The following CSMD1 variants were observed in gnomAD, a reference collection of about 807,000 sequenced individuals.
CSMD1 encodes the protein CUB and sushi domain-containing protein 1.
CSMD1 carries 213 observed loss-of-function variants against 417.5 expected under a neutral mutation model. The observed-to-expected ratio is 0.51, with a 90% CI of 0.46 to 0.57. The LOEUF is 0.57. Ranked by LOEUF, CSMD1 falls within the 20% of genes least tolerant of loss-of-function variation. The pLI is 0.00. For missense variants in CSMD1, 6,923 were observed against 4,529.7 expected, an observed-to-expected ratio of 1.53 and a Z score of -15.17; for synonymous variants, 2,862 against 1,736.8, an observed-to-expected ratio of 1.65 and a Z score of -16.11.
intron 18 of CSMD1, among the ~76,000 whole-genome samples, chr8:3,369,744 C>G (rs964508285): frequency 6.6e-6 from 1 of 152,172 alleles, no homozygotes; most frequent in African/African-American, 2.4e-5. Context: ...TGTTCAAACA[C>G]TCACTTCAGA....
chr8:4,116,913 C>T (rs953711955), intron 3 of CSMD1, among the ~76,000 whole-genome samples: 1 of 151,984 alleles, frequency 6.6e-6, no homozygotes, highest in Non-Finnish European at 1.5e-5. Context: ...GTGAGGTACT[C>T]GAAATGTGTA....
intron 7 of CSMD1, among the ~76,000 whole-genome samples, chr8:3,644,263 T>C (rs1384195): frequency 0.36 from 55,294 of 152,098 alleles, 10,896 homozygotes; most frequent in Middle Eastern, 0.5. Flanking sequence ...TTGAGAACCA[T>C]TGCTGTTAGA....
intron 5 of CSMD1, among the ~76,000 whole-genome samples, chr8:3,861,101 G>A (rs990068609): frequency 3.3e-5 from 5 of 152,064 alleles, no homozygotes; most frequent in Admixed American, 2.0e-4. Context: ...TAGTGAGCTC[G>A]AAAACAGGAC....
intron 9 of CSMD1, among the ~76,000 whole-genome samples, chr8:3,583,058 C>A (rs186297802): frequency 6.6e-6 from 1 of 152,136 alleles, no homozygotes; most frequent in African/African-American, 2.4e-5. Flanking sequence ...TACAGAGCAA[C>A]TCCTGCCTGT....
chr8:3,066,858 G>C (rs1220352126), intron 49 of CSMD1, among the ~76,000 whole-genome samples: 1 of 152,200 alleles, frequency 6.6e-6, no homozygotes, highest in Non-Finnish European at 1.5e-5. Context: ...GGAATGAAGT[G>C]TCAGAGTTAT....
At chr8:3,426,986 G>T (rs1162795973) in intron 12 of CSMD1, among the ~76,000 whole-genome samples, 1 of 152,162 alleles carries the variant, frequency 6.6e-6, no homozygotes, top group Non-Finnish European at 1.5e-5. Flanking sequence ...TCACAAGGCG[G>T]CATGAAGGAG....
chr8:3,056,149 G>A (rs1318497506), intron 49 of CSMD1, among the ~76,000 whole-genome samples: 1 of 152,152 alleles, frequency 6.6e-6, no homozygotes, highest in African/African-American at 2.4e-5. Flanking sequence ...TTATTAAAGA[G>A]AGCAAAGAGT....
intron 1 of CSMD1, among the ~76,000 whole-genome samples, chr8:4,823,215 A>C (rs1799616930): frequency 6.6e-6 from 1 of 152,022 alleles, no homozygotes; most frequent in Non-Finnish European, 1.5e-5. Context: ...TTTAATCCAA[A>C]TGTCTAAACT....
intron 2 of CSMD1, among the ~76,000 whole-genome samples, chr8:4,508,567 G>C (rs1390269732): frequency 6.6e-6 from 1 of 152,042 alleles, no homozygotes; most frequent in Non-Finnish European, 1.5e-5. Context: ...AGAGATCAAA[G>C]AGAATCAGAA....
chr8:4,831,413 A>C (rs1275034291), intron 1 of CSMD1, among the ~76,000 whole-genome samples: 1 of 152,208 alleles, frequency 6.6e-6, no homozygotes. Context: ...CATTTATTGA[A>C]TAACTACAAA....
chr8:4,345,278 C>T (rs951932718), intron 3 of CSMD1, among the ~76,000 whole-genome samples: 1 of 152,114 alleles, frequency 6.6e-6, no homozygotes, highest in Non-Finnish European at 1.5e-5. Flanking sequence ...CTTATGCTTT[C>T]TATGAGGATT....
intron 3 of CSMD1, among the ~76,000 whole-genome samples, chr8:4,079,746 T>G (rs966126299): frequency 1.3e-5 from 2 of 152,182 alleles, no homozygotes; most frequent in African/African-American, 4.8e-5. Flanking sequence ...TTTGTAGTGA[T>G]GAAAAATAGT....
At chr8:4,287,972 T>C (rs974194699) in intron 3 of CSMD1, among the ~76,000 whole-genome samples, 2 of 152,146 alleles carry the variant, frequency 1.3e-5, no homozygotes, top group Non-Finnish European at 2.9e-5. Context: ...CAAGACAATA[T>C]GATAATAAAA....
chr8:3,140,543 G>C (rs375868936), intron 41 of CSMD1, among the ~76,000 whole-genome samples: 21 of 152,162 alleles, frequency 1.4e-4, no homozygotes, highest in African/African-American at 5.1e-4. Context: ...CTCCTACCTA[G>C]ATTTCCAGTT....
chr8:2,949,476 T>C (rs796862142), intron 67 of CSMD1, 90 bp from the exon 68 acceptor site: 1 of 609,618 alleles, frequency 1.6e-6, no homozygotes, highest in African/African-American at 1.9e-5. Flanking sequence ...AATACAACTG[T>C]TATATCTCAT....
chr8:3,831,774 T>C (rs1410621261), intron 5 of CSMD1, among the ~76,000 whole-genome samples: 1 of 152,206 alleles, frequency 6.6e-6, no homozygotes, highest in Non-Finnish European at 1.5e-5. Context: ...CATAGCCATT[T>C]GGGATATTTT....
At chr8:3,156,532 G>A (rs1819545498) in intron 39 of CSMD1, among the ~76,000 whole-genome samples, 1 of 152,112 alleles carries the variant, frequency 6.6e-6, no homozygotes, top group Non-Finnish European at 1.5e-5. Flanking sequence ...GGTGGTGGTA[G>A]CCCAGGGTAG....
chr8:4,536,771 T>C (rs1004972941), intron 2 of CSMD1, among the ~76,000 whole-genome samples: 2 of 152,246 alleles, frequency 1.3e-5, no homozygotes, highest in African/African-American at 4.8e-5. Flanking sequence ...CTGGAACTTA[T>C]CTGCTGTGTC....
intron 3 of CSMD1, among the ~76,000 whole-genome samples, chr8:4,388,486 T>C (rs77843589): frequency 0.052 from 7,877 of 150,330 alleles, 299 homozygotes; most frequent in South Asian, 0.18. Context: ...CTCACTGATA[T>C]GTGGGAGGTA....
Sources: allele counts gnomAD v4.1 joint callset (sites outside exome capture counted in the v4.1 genomes callset), GRCh38; gene constraint gnomAD v4.1.1; transcripts MANE v1.5; gene names NCBI Gene and HGNC (gene_info 2026-07-23, HGNC 2026-07-21).